The following PCSK6 variants were observed in gnomAD, a reference collection of about 807,000 sequenced individuals.
PCSK6 encodes the protein proprotein convertase subtilisin/kexin type 6.
In PCSK6, 85 loss-of-function variants were observed where a neutral mutation model predicts 123.3. The observed-to-expected ratio is 0.69, with a 90% CI of 0.58 to 0.83. The LOEUF (loss-of-function observed/expected upper bound fraction) is 0.83. PCSK6 is among the 40% of genes least tolerant of loss of function. The probability of loss-of-function intolerance (pLI) is 0.00; values close to 1 mark genes in which losing one functional copy is unlikely to be tolerated. For synonymous variants in PCSK6, 508 were observed against 516.0 expected (o/e 0.98, Z 0.21); for missense variants, 1,191 against 1,282.3 (o/e 0.93, Z 1.09).
At position 101,398,801 on chromosome 15, in the gene PCSK6, G is replaced by C. The variant is rs2042498957; in HGVS notation, c.824-225C>G. 6.6e-6 allele frequency among the ~76,000 whole-genome samples: 1 copy of C among 152,192 alleles called. No individual in the cohort carries two copies. On this transcript the variant is annotated intron_variant, in intron 6 of 21. Transcript: ENST00000611716. This position sits in a 1 kb window ranked among gnomAD's most constrained non-coding sequence, Gnocchi z 4.6. ...GAAAGCAAGCTACGTCCCAAAGAGA[G>C]GGTTCAGCTTCCCTCAGTGCTATGA... is the stretch of plus-strand genomic sequence containing the variant.
intron 1 of PCSK6, among the ~76,000 whole-genome samples, chr15:101,473,035 T>C (rs117273352): frequency 1.6e-3 from 243 of 152,322 alleles, no homozygotes; most frequent in Non-Finnish European, 2.4e-3. Flanking sequence ...AATGTGTCCA[T>C]ACCTACCTCT....
rs751358852 is a variant in PCSK6 at position 101,313,453 on chromosome 15, G to C, written c.2622C>G (p.Asp874Glu). Reference sequence around the variant, plus strand: ...CACCACAGGCTGGCACACACTTCCAGTCGTGGAAGTGGAAGTTTTTCGCAC... The same window carrying C: ...CACCACAGGCTGGCACACACTTCCACTCGTGGAAGTGGAAGTTTTTCGCAC... ...IHCAKNFHFHDWKCVPACGEG... is the reference protein window; with the variant it reads ...IHCAKNFHFHEWKCVPACGEG... Residue 874 changes from aspartate to glutamate, a missense_variant, in exon 20 of 22, where the codon GAC (aspartate) becomes GAG (glutamate). By Grantham distance (45) the Asp-to-Glu change is conservative. Around this residue, in one of 3 missense-constraint regions of PCSK6, gnomAD observed 630 missense variants for 631.4 expected, o/e 1.00. Transcript: ENST00000611716. 69 of 1,611,716 alleles carry C rather than the reference G, an allele frequency of 4.3e-5. No homozygotes were observed. Among genetic ancestry groups the C allele is most frequent in the Middle Eastern group, 1.6e-4 (1 of 6,070 alleles).
intron 6 of PCSK6, among the ~76,000 whole-genome samples, chr15:101,405,953 G>T (rs1228084723): frequency 1.3e-5 from 2 of 152,136 alleles, no homozygotes; most frequent in African/African-American, 2.4e-5. Context: ...ATGCTGGCCA[G>T]GCTGGTCTCA....
intron 1 of PCSK6, among the ~76,000 whole-genome samples, chr15:101,480,062 T>C (rs1319799461): frequency 6.6e-6 from 1 of 152,216 alleles, no homozygotes; most frequent in East Asian, 1.9e-4. Context: ...GAAGTCCAGG[T>C]TCCTTGCAGG....
intron 13 of PCSK6, among the ~76,000 whole-genome samples, chr15:101,351,612 A>G (rs1379297485): frequency 6.6e-6 from 1 of 152,226 alleles, no homozygotes; most frequent in Non-Finnish European, 1.5e-5. Context: ...ATATTTTATT[A>G]TTTGTAAATT....
intron 17 of PCSK6, among the ~76,000 whole-genome samples, chr15:101,324,255 C>A (rs2040196898): frequency 6.6e-6 from 1 of 152,228 alleles, no homozygotes; most frequent in Admixed American, 6.5e-5. Flanking sequence ...CCCTTCCGAG[C>A]CCAACTGACG....
intron 11 of PCSK6, among the ~76,000 whole-genome samples, chr15:101,377,660 C>T (rs531443195): frequency 4.9e-4 from 74 of 152,278 alleles, no homozygotes; most frequent in South Asian, 1.9e-3. Context: ...TTAAAATGAC[C>T]GCCATACGCA....
chr15:101,347,956 G>T (rs146272705), intron 13 of PCSK6, among the ~76,000 whole-genome samples: 209 of 152,314 alleles, frequency 1.4e-3, no homozygotes, highest in African/African-American at 4.7e-3. Context: ...TTAGCTGGGG[G>T]AAGTCTTCCA....
At position 101,457,877 on chromosome 15, in the gene PCSK6, T is replaced by G. The variant is rs150794243; in HGVS notation, c.298-14217A>C. ...TCTGTCCAATTCCAGACTGAAACAT[T>G]TTTTAAGTCCAAAACTTCTGATTTT... On this transcript the variant is annotated intron_variant, in intron 1 of 21. Transcript: ENST00000611716. 4.9e-3 allele frequency among the ~76,000 whole-genome samples: 754 copies of G among 152,344 alleles called. 13 individuals carry two copies. Among genetic ancestry groups the G allele is most frequent in the African/African-American group, 0.017 (707 of 41,570 alleles).
chr15:101,389,550 C>T lies in PCSK6; in HGVS notation c.1224G>A (p.Leu408=), dbSNP rs771907745. 4 of 1,612,082 alleles carry T rather than the reference C, an allele frequency of 2.5e-6. No individual in the cohort carries two copies. Residue 408 remains leucine, a synonymous_variant, in exon 9 of 22, where the codon CTG becomes CTA. Coordinates refer to ENST00000611716, the MANE Select transcript of PCSK6 (RefSeq NM_002570.5). ...TGTGGCCATCGGTACAGCGCTGACG[C>T]AGATCCGTGGTGACCTGGGGGAGAG... ...FYERKIVTTD[L]RQRCTDGHTG...
intron 1 of PCSK6, among the ~76,000 whole-genome samples, chr15:101,478,210 G>A (rs565902370): frequency 3.2e-4 from 49 of 152,292 alleles, no homozygotes; most frequent in African/African-American, 1.1e-3. Flanking sequence ...CTCAGCCTCT[G>A]TGGGTCTCAG....
chr15:101,445,624 T>C (rs1248842704), intron 1 of PCSK6, among the ~76,000 whole-genome samples: 1 of 152,198 alleles, frequency 6.6e-6, no homozygotes, highest in Non-Finnish European at 1.5e-5. Context: ...AGAGCTGTTA[T>C]TTAGCTACGG....
chr15:101,306,343 TC>T (rs946580181), intron 21 of PCSK6, among the ~76,000 whole-genome samples: 5 of 149,152 alleles, frequency 3.4e-5, no homozygotes, highest in African/African-American at 9.8e-5. Flanking sequence ...TAGACAACCC[TC>T]CCGCCACCCC....
intron 20 of PCSK6, chr15:101,309,038 TC>T (rs2039791415): frequency 6.6e-6 from 1 of 152,344 alleles, no homozygotes; most frequent in Admixed American, 6.5e-5. Flanking sequence ...AAATACAACC[TC>T]ACCCAGCTCA....
intron 19 of PCSK6, among the ~76,000 whole-genome samples, chr15:101,316,908 C>CTTTTTTTTTTTTTT (rs2040001564): frequency 1.1e-5 from 1 of 91,686 alleles, no homozygotes; most frequent in African/African-American, 9.0e-5. Context: ...AGACTTAATT[C>CTTTTTTTTTTTTTT]TGTTTTTTTT....
At chr15:101,410,990 A>G (rs1108993) in intron 6 of PCSK6, among the ~76,000 whole-genome samples, 43,466 of 152,124 alleles carry the variant, frequency 0.29, 6,784 homozygotes, top group African/African-American at 0.42. Context: ...CAAGAGACCC[A>G]ACCCAGGAGG....
intron 15 of PCSK6, 80 bp downstream of exon 15, chr15:101,331,556 ACCAGGGGGCAAGACC>A: frequency 8.5e-7 from 1 of 1,175,812 alleles, no homozygotes; most frequent in Non-Finnish European, 1.3e-6. Flanking sequence ...TGGCTAACTT[ACCAGGGGGCAAGACC>A]CCATTCTGGT....
chr15:101,346,048 G>C (rs2040721316), intron 13 of PCSK6, among the ~76,000 whole-genome samples: 1 of 152,228 alleles, frequency 6.6e-6, no homozygotes, highest in Non-Finnish European at 1.5e-5. Context: ...CACAATGTAA[G>C]TTAAGGAAGG....
intron 2 of PCSK6, among the ~76,000 whole-genome samples, chr15:101,432,679 G>C (rs1204779349): frequency 6.6e-6 from 1 of 151,984 alleles, no homozygotes; most frequent in Non-Finnish European, 1.5e-5. Flanking sequence ...AGAAGGAAGG[G>C]AGGGAGAGAG....
Sources: gnomAD v4.1 joint callset for allele counts (sites outside exome capture counted in the v4.1 genomes callset) on GRCh38, gnomAD v4.1.1 for gene constraint, gnomAD v4.1.1 regional missense constraint, Gnocchi (gnomAD v3.1) non-coding constraint, MANE v1.5 for transcripts, NCBI Gene and HGNC (gene_info 2026-07-23, HGNC 2026-07-21) for gene names.